Variants in KCNA3 observed in about 807,000 individuals in gnomAD.
KCNA3 encodes the protein potassium voltage-gated channel subfamily A member 3.
In KCNA3, 18 loss-of-function variants were observed where a neutral mutation model predicts 34.3. That is an observed-to-expected ratio of 0.52 (90% CI 0.36 to 0.78). The LOEUF is 0.78. Ranked by LOEUF, KCNA3 falls within the 30% of genes least tolerant of loss-of-function variation. The pLI is 0.00. For synonymous variants in KCNA3, 324 were observed against 351.7 expected (o/e 0.92, Z 0.88); for missense variants, 587 against 802.5 (o/e 0.73, Z 3.24).
chr1:110,674,660 C>A lies in KCNA3; in HGVS notation c.150G>T (p.Pro50=). 1 of 1,519,434 alleles carries A rather than the reference C, an allele frequency of 6.6e-7. No homozygotes were observed. The highest frequency in any genetic ancestry group is 8.7e-7 in the Non-Finnish European group (1 of 1,145,164). The allele number at this position is 1,519,434 out of a possible 1,614,324, so 94.1% of individuals were successfully genotyped here. The part of the protein sequence containing the change: ...YAEPAAGREL[P]PDMTVVPGDH... ...CCCCGGGCACCACGGTCATGTCGGG[C>A]GGCAGCTCGCGGCCTGCGGCGGGCT... Residue 50 remains proline (P), a synonymous_variant, in exon 1 of 1, where the codon CCG becomes CCT. Transcript: ENST00000369769. The surrounding 1 kb of genome is among the most constrained non-coding windows in gnomAD (Gnocchi z 6.4).
chr1:110,653,843 A>T, the KCNA3 span: 465 of 152,382 alleles, frequency 3.1e-3, 3 homozygotes, highest in African/African-American at 0.011. Context: ...CATCGTATTC[A>T]GAATTCCATT....
At chr1:110,658,069 C>T in the KCNA3 span, among the ~76,000 whole-genome samples, 1 of 152,164 alleles carries the variant, frequency 6.6e-6, no homozygotes, top group Non-Finnish European at 1.5e-5. Flanking sequence ...CTGTAGTGAT[C>T]TAGTCTCAAA....
chr1:110,673,247 G>A lies in KCNA3; in HGVS notation c.1563C>T (p.Asn521=). Reference sequence around the variant, plus strand: ...TATACTCCGACTTACTCAGAGTCGAGTTACTCCTTGCTTTTCGGAGCTCCT... The same window carrying A: ...TATACTCCGACTTACTCAGAGTCGAATTACTCCTTGCTTTTCGGAGCTCCT... ...SAEELRKARS[N]STLSKSEYMV... is the part of the protein sequence containing the mutation. The change falls in exon 1 of 1, where the codon AAC becomes AAT. Residue 521 remains asparagine (N), a synonymous_variant. Transcript: ENST00000369769. The surrounding 1 kb of genome is among the most constrained non-coding windows in gnomAD (Gnocchi z 8.8). 1 of 1,614,100 alleles carries A rather than the reference G, an allele frequency of 6.2e-7. No homozygotes were observed. Among genetic ancestry groups the A allele is most frequent in the Non-Finnish European group, 8.5e-7 (1 of 1,180,016 alleles).
Position 110,673,855 on chromosome 1 carries a change from T to C in KCNA3, c.955A>G (p.Ser319Gly). 9 of 1,614,034 alleles carry C rather than the reference T, an allele frequency of 5.6e-6. No homozygotes were observed. Among genetic ancestry groups the C allele is most frequent in the Non-Finnish European group, 7.6e-6 (9 of 1,179,984 alleles). Reference sequence around the variant, plus strand: ...ATGTTTCGCGAGAAGGTGGCTTTGCTAGGACAAGCGAAGAACCGCACCAGC... The same window carrying C: ...ATGTTTCGCGAGAAGGTGGCTTTGCCAGGACAAGCGAAGAACCGCACCAGC... The part of the protein sequence containing the change: ...ELLVRFFACP[S>G]KATFSRNIMN... Residue 319 changes from serine (S) to glycine (G), a missense_variant, in exon 1 of 1, where the codon AGC becomes GGC. By Grantham distance (56) the Ser-to-Gly change is moderately conservative. Transcript: ENST00000369769. This position sits in a 1 kb window ranked among gnomAD's most constrained non-coding sequence, Gnocchi z 8.8.
downstream of KCNA3, among the ~76,000 whole-genome samples, chr1:110,671,275 T>C (rs1651881201): frequency 1.3e-5 from 2 of 152,188 alleles, no homozygotes; most frequent in African/African-American, 4.8e-5. Flanking sequence ...CATCCTTTTG[T>C]AATAAACAAT....
At chr1:110,668,468 C>T (rs1016619117), downstream of KCNA3, among the ~76,000 whole-genome samples, 2 of 152,098 alleles carry the variant, frequency 1.3e-5, no homozygotes, top group Non-Finnish European at 2.9e-5. Context: ...AAAACAAATA[C>T]TTGAGTATAT....
At chr1:110,668,189 T>C (rs1651756086), downstream of KCNA3, among the ~76,000 whole-genome samples, 1 of 152,150 alleles carries the variant, frequency 6.6e-6, no homozygotes, top group Non-Finnish European at 1.5e-5. Context: ...AATGCAGCCC[T>C]AAATATCCTC....
chr1:110,673,202 A>G lies in KCNA3; in HGVS notation c.1608T>C (p.Gly536=). The G allele has an allele frequency of 6.2e-7, 1 of 1,613,532 alleles. No individual in the cohort carries two copies. Among genetic ancestry groups the G allele is most frequent in the Non-Finnish European group, 8.5e-7 (1 of 1,179,892 alleles). ...TCTGGGGGAAAGCGCTATGGTTCAT[A>G]CCCCCCTCTTCGATCACCATATACT... is the stretch of plus-strand genomic sequence containing the variant. ...KSEYMVIEEG[G]MNHSAFPQTP... is the part of the protein sequence containing the mutation. The change falls in exon 1 of 1, where the codon GGT becomes GGC. Residue 536 remains glycine (G), a synonymous_variant. Coordinates refer to ENST00000369769, the MANE Select transcript of KCNA3 (RefSeq NM_002232.5). This position sits in a 1 kb window ranked among gnomAD's most constrained non-coding sequence, Gnocchi z 8.8.
the KCNA3 span, among the ~76,000 whole-genome samples, chr1:110,663,359 G>GT: frequency 6.6e-6 from 1 of 152,132 alleles, no homozygotes; most frequent in Non-Finnish European, 1.5e-5. Context: ...ATAAAGTGGC[G>GT]TAAGGAGAAA....
the KCNA3 span, among the ~76,000 whole-genome samples, chr1:110,665,020 A>C: frequency 2.0e-5 from 3 of 152,244 alleles, no homozygotes; most frequent in Non-Finnish European, 4.4e-5. Flanking sequence ...GCACAGGATC[A>C]AGTGGGAGAG....
the KCNA3 span, among the ~76,000 whole-genome samples, chr1:110,665,766 G>A: frequency 6.6e-6 from 1 of 152,216 alleles, no homozygotes; most frequent in East Asian, 1.9e-4. Context: ...AATCCACAGT[G>A]TGGTATCTTG....
chr1:110,674,074 T>A lies in KCNA3; in HGVS notation c.736A>T (p.Ile246Phe). 1 of 1,607,866 alleles carries A rather than the reference T, an allele frequency of 6.2e-7. No individual in the cohort carries two copies. The highest frequency in any genetic ancestry group is 8.5e-7 in the Non-Finnish European group (1 of 1,176,980). Residue 246 changes from isoleucine (I) to phenylalanine (F), a missense_variant, in exon 1 of 1, where the codon ATC becomes TTC. Transcript: ENST00000369769. The surrounding 1 kb of genome is among the most constrained non-coding windows in gnomAD (Gnocchi z 6.4). Reference sequence around the variant, plus strand: ...TCCAGGCAGAAGATGACAATGGAGATGAGGATGACCAGCACGGACACGATG... The same window carrying A: ...TCCAGGCAGAAGATGACAATGGAGAAGAGGATGACCAGCACGGACACGATG... The part of the protein sequence containing the change: ...IAIVSVLVIL[I>F]SIVIFCLETL...
chr1:110,669,692 G>C (rs1305411680), downstream of KCNA3, among the ~76,000 whole-genome samples: 3 of 152,184 alleles, frequency 2.0e-5, no homozygotes, highest in Non-Finnish European at 4.4e-5. Flanking sequence ...TCTCCTGCTA[G>C]CTGTGAAGTC....
the KCNA3 span, among the ~76,000 whole-genome samples, chr1:110,659,854 A>T: frequency 7.2e-6 from 1 of 138,074 alleles, no homozygotes; most frequent in Non-Finnish European, 1.5e-5. Context: ...CAAACACCGC[A>T]TGTTCTCACT....
the KCNA3 span, among the ~76,000 whole-genome samples, chr1:110,660,227 G>A: frequency 4.6e-5 from 7 of 152,068 alleles, no homozygotes; most frequent in Non-Finnish European, 8.8e-5. Context: ...GTTAGAAAAC[G>A]TTTTGGAGTA....
chr1:110,663,162 T>C, the KCNA3 span, among the ~76,000 whole-genome samples: 1,077 of 152,204 alleles, frequency 7.1e-3, 7 homozygotes, highest in Middle Eastern at 0.034. Context: ...AAAGTTACAA[T>C]AGAAAATCCA....
chr1:110,661,233 T>G, the KCNA3 span, among the ~76,000 whole-genome samples: 1 of 152,186 alleles, frequency 6.6e-6, no homozygotes, highest in African/African-American at 2.4e-5. Context: ...GTGCTTTTGA[T>G]GGAAGAATCA....
chr1:110,674,256 C>A lies in KCNA3; in HGVS notation c.554G>T (p.Arg185Leu), dbSNP rs940336945. 6.2e-7 allele frequency: 1 copy of A among 1,614,076 alleles called. No homozygotes were observed. Among genetic ancestry groups the A allele is most frequent in the Non-Finnish European group, 8.5e-7 (1 of 1,179,982 alleles). ...VPIDIFSEEI[R>L]FYQLGEEAME... ...GGCCTCCTCGCCCAGCTGGTAGAAGCGGATCTCCTCGGAGAAAATGTCGAT... is the reference window on the plus strand; with the variant it reads ...GGCCTCCTCGCCCAGCTGGTAGAAGAGGATCTCCTCGGAGAAAATGTCGAT... The change falls in exon 1 of 1, where the codon CGC (arginine) becomes CTC (leucine). Residue 185 changes from arginine to leucine, a missense_variant. By Grantham distance (102) the Arg-to-Leu change is moderately radical. Coordinates refer to ENST00000369769, the MANE Select transcript of KCNA3 (RefSeq NM_002232.5). This position sits in a 1 kb window ranked among gnomAD's most constrained non-coding sequence, Gnocchi z 6.4.
At position 110,674,559 on chromosome 1, in the gene KCNA3, T is replaced by TCGCAGC. The variant is rs1570802921; in HGVS notation, c.245_250dup (p.Gly82_Cys83dup). 6.4e-7 allele frequency: 1 copy of TCGCAGC among 1,562,904 alleles called. No homozygotes were observed. The highest frequency in any genetic ancestry group is 8.6e-7 in the Non-Finnish European group (1 of 1,159,156). ...TGAGGGCGGCAGCGGCTCGTAGCGG[T>TCGCAGC]CGCAGCCGCCGCCGCCACAGCCGCC... is the stretch of plus-strand genomic sequence containing the variant. On this transcript the variant is annotated inframe_insertion, in exon 1 of 1. Transcript: ENST00000369769. The surrounding 1 kb of genome is among the most constrained non-coding windows in gnomAD (Gnocchi z 6.4).
Sources: gnomAD v4.1 joint callset for allele counts (sites outside exome capture counted in the v4.1 genomes callset) on GRCh38, gnomAD v4.1.1 for gene constraint, Gnocchi (gnomAD v3.1) non-coding constraint, MANE v1.5 for transcripts, NCBI Gene and HGNC (gene_info 2026-07-23, HGNC 2026-07-21) for gene names.